XPO6: variants seen among roughly 807,000 people sequenced by gnomAD.
The protein encoded by XPO6 is exportin 6.
A neutral mutation model predicts 130.0 loss-of-function variants in XPO6; 3 were observed. The observed-to-expected ratio is 0.02, with a 90% CI of 0.01 to 0.06. The LOEUF is 0.06. Among genes scored for constraint, XPO6 ranks in the 10% least tolerant of loss-of-function variants. XPO6 has a pLI of 1.00. For synonymous variants in XPO6, 524 were observed against 548.9 expected (o/e 0.95, Z 0.63); for missense variants, 970 against 1,393.0 (o/e 0.70, Z 4.83).
At position 28,169,222 on chromosome 16, in the gene XPO6, G is replaced by C. The variant is rs1250607112; in HGVS notation, c.565+528C>G. Among the ~76,000 whole-genome samples, 4 of 152,202 alleles carry C rather than the reference G, an allele frequency of 2.6e-5. No homozygotes were observed. In the East Asian group the frequency reaches 7.7e-4, roughly 29 times the overall value. Reference sequence around the variant, plus strand: ...CTCTCCTCCTACCTTCCTGTCTCATGTTGTGGTTTGCTTTCTGTTTATTCT... The same window carrying C: ...CTCTCCTCCTACCTTCCTGTCTCATCTTGTGGTTTGCTTTCTGTTTATTCT... On this transcript the variant is annotated intron_variant, in intron 5 of 23. Coordinates refer to ENST00000304658, the MANE Select transcript of XPO6 (RefSeq NM_015171.4).
In XPO6 at chr16:28,143,278, A is replaced by G. The variant is rs1381798856; in HGVS notation, c.1334+2816T>C. ...CATGCCACCTAACGCTACAGTCACA[A>G]CCACAGTCTAAAGGCAGTAACATCT... On this transcript the variant is annotated intron_variant, in intron 9 of 23. Transcript: ENST00000304658. Among the ~76,000 whole-genome samples, 3 of 152,292 alleles carry G rather than the reference A, an allele frequency of 2.0e-5. No individual in the cohort carries two copies. In the East Asian group the frequency reaches 5.8e-4, roughly 29 times the overall value.
chr16:28,112,038 G>A, intron 16 of XPO6, 32 bp from the exon 17 acceptor site: 1 of 1,589,704 alleles, frequency 6.3e-7, no homozygotes, highest in South Asian at 1.1e-5. Context: ...TCCATCAGAG[G>A]TCAGAGCCAA....
intron 9 of XPO6, among the ~76,000 whole-genome samples, chr16:28,135,667 C>A (rs1338466491): frequency 2.6e-5 from 4 of 152,152 alleles, no homozygotes; most frequent in African/African-American, 9.7e-5. Context: ...CACGGAATAT[C>A]TCTTTCCATC....
chr16:28,197,162 G>A (rs914262772), intron 1 of XPO6, among the ~76,000 whole-genome samples: 3 of 152,020 alleles, frequency 2.0e-5, no homozygotes, highest in African/African-American at 7.2e-5. Context: ...TGAGGCAGGA[G>A]AATCACTTAA....
intron 1 of XPO6, among the ~76,000 whole-genome samples, chr16:28,205,593 T>C (rs1480786081): frequency 1.3e-5 from 2 of 152,188 alleles, no homozygotes; most frequent in Non-Finnish European, 2.9e-5. Flanking sequence ...TGTTGACTTA[T>C]CTTCCCCACT....
chr16:28,155,315 T>C (rs959115566), intron 7 of XPO6, among the ~76,000 whole-genome samples: 2 of 152,158 alleles, frequency 1.3e-5, no homozygotes, highest in African/African-American at 4.8e-5. Context: ...AATCTGATTG[T>C]TCATAATATA....
intron 7 of XPO6, chr16:28,154,255 T>TAA (rs11284457): frequency 0.028 from 22,370 of 800,094 alleles, 81 homozygotes; most frequent in Non-Finnish European, 0.029. Flanking sequence ...ACTACCCATT[T>TAA]AAAAAAAAAA....
At chr16:28,164,682 C>T (rs1444429036) in intron 6 of XPO6, among the ~76,000 whole-genome samples, 2 of 152,110 alleles carry the variant, frequency 1.3e-5, no homozygotes, top group Admixed American at 6.5e-5. Flanking sequence ...TCCGCTTAGC[C>T]GCATAAAACC....
At chr16:28,148,972 G>T (rs1409729700) in intron 8 of XPO6, among the ~76,000 whole-genome samples, 4 of 151,528 alleles carry the variant, frequency 2.6e-5, no homozygotes, top group African/African-American at 9.7e-5. Flanking sequence ...AACCCAGGAG[G>T]CAGAGGTTGC....
chr16:28,179,632 CT>C (rs2043585263), intron 2 of XPO6, among the ~76,000 whole-genome samples: 1 of 152,204 alleles, frequency 6.6e-6, no homozygotes, highest in Non-Finnish European at 1.5e-5. Context: ...TTCTAGAGCA[CT>C]AGTGATTTAC....
chr16:28,125,548 C>T, intron 13 of XPO6, 141 bp downstream of exon 13: 1 of 1,008,200 alleles, frequency 9.9e-7, no homozygotes. Context: ...GTAATTTGTT[C>T]CCTATCAGCT....
At chr16:28,174,279 C>A (rs1257291279) in intron 4 of XPO6, among the ~76,000 whole-genome samples, 1 of 152,140 alleles carries the variant, frequency 6.6e-6, no homozygotes, top group Non-Finnish European at 1.5e-5. Context: ...CACGCCATCA[C>A]CCCCACTCAG....
rs1026444079 is a variant in XPO6, at chr16:28,198,625, G to A, written c.3+12741C>T. The stretch of plus-strand genomic sequence containing the variant: ...TTAAAACCAGCCTGGGCAACACAGC[G>A]AGATCCTATCCTGATACAAGAAAAA... On this transcript the variant is annotated intron_variant, in intron 1 of 23. Coordinates refer to ENST00000304658, the MANE Select transcript of XPO6 (RefSeq NM_015171.4). Among the ~76,000 whole-genome samples the A allele has an allele frequency of 2.7e-5, 4 of 150,684 alleles. No individual in the cohort carries two copies. In the East Asian group the frequency reaches 5.9e-4, roughly 22 times the overall value.
At chr16:28,146,537 G>A (rs1309310090) in intron 8 of XPO6, among the ~76,000 whole-genome samples, 1 of 152,216 alleles carries the variant, frequency 6.6e-6, no homozygotes, top group Non-Finnish European at 1.5e-5. Context: ...ATTTTCCAGA[G>A]AGAAATCGAG....
intron 4 of XPO6, among the ~76,000 whole-genome samples, chr16:28,175,433 C>A (rs912213697): frequency 2.6e-5 from 4 of 152,298 alleles, no homozygotes; most frequent in African/African-American, 9.6e-5. Context: ...GCCCATCAAT[C>A]TAGCCCCTTA....
intron 7 of XPO6, chr16:28,154,107 C>A (rs1442013110): frequency 2.0e-6 from 2 of 985,178 alleles, no homozygotes; most frequent in African/African-American, 3.5e-5. Context: ...AGACACTTCT[C>A]TCTGGTGTCA....
chr16:28,211,501 C>G lies in XPO6; in HGVS notation c.-133G>C. The G allele has an allele frequency of 3.6e-6, 4 of 1,098,456 alleles. No homozygotes were observed. The highest frequency in any genetic ancestry group is 4.7e-6 in the Non-Finnish European group (4 of 848,256). 68.0% of individuals were successfully genotyped at this position (1,098,456 alleles called of 1,614,324 possible). ...CATGCAAAGACAACCCCTTCCCCAC[C>G]GGGCCCCGAGGGGACCCTCTAAAAA... On this transcript the variant is annotated 5_prime_UTR_variant, in exon 1 of 24. Transcript: ENST00000304658.
At chr16:28,134,255 T>TAGGGATA (rs1390632135) in intron 10 of XPO6, among the ~76,000 whole-genome samples, 7 of 152,326 alleles carry the variant, frequency 4.6e-5, no homozygotes, top group Middle Eastern at 6.8e-3. Flanking sequence ...GGTCCACTAC[T>TAGGGATA]GTATCCCTAT....
intron 9 of XPO6, among the ~76,000 whole-genome samples, chr16:28,141,731 C>T (rs549780581): frequency 1.3e-5 from 2 of 152,248 alleles, no homozygotes; most frequent in East Asian, 3.9e-4. Context: ...GAGGCCGAGG[C>T]GGGTGGATCA....
Sources: gnomAD v4.1 joint callset for allele counts (sites outside exome capture counted in the v4.1 genomes callset) on GRCh38, gnomAD v4.1.1 for gene constraint, MANE v1.5 for transcripts, NCBI Gene and HGNC (gene_info 2026-07-23, HGNC 2026-07-21) for gene names.